ARFGEF3: variants seen among roughly 807,000 people sequenced by gnomAD.
ARFGEF3 encodes ARFGEF family member 3, also known as brefeldin A-inhibited guanine nucleotide-exchange protein 3.
A neutral mutation model predicts 221.7 loss-of-function variants in ARFGEF3; 96 were observed. That is an observed-to-expected ratio of 0.43 (90% CI 0.37 to 0.51). The LOEUF is 0.51. Ranked by LOEUF, ARFGEF3 falls within the 20% of genes least tolerant of loss-of-function variation. ARFGEF3 has a pLI of 0.00. For synonymous variants in ARFGEF3, 1,145 were observed against 1,126.8 expected (o/e 1.02, Z -0.32); for missense variants, 2,410 against 2,789.9 (o/e 0.86, Z 3.07).
chr6:138,280,938 A>T (rs1779186739), intron 14 of ARFGEF3, among the ~76,000 whole-genome samples: 1 of 149,956 alleles, frequency 6.7e-6, no homozygotes, highest in Non-Finnish European at 1.5e-5. Flanking sequence ...TAATAATGCC[A>T]AATACTTACC....
intron 11 of ARFGEF3, 82 bp downstream of exon 11, chr6:138,261,721 T>A (rs892458365): frequency 4.6e-6 from 3 of 646,916 alleles, no homozygotes; most frequent in South Asian, 4.2e-5. Context: ...CCTGAAATTT[T>A]AAAAAATTCT....
rs540598547 is a variant in ARFGEF3 at position 138,242,938 on chromosome 6, A to G, written c.544-14A>G. On this transcript the variant is annotated splice_polypyrimidine_tract_variant and intron_variant, in intron 6 of 33. Transcript: ENST00000251691. The stretch of plus-strand genomic sequence containing the variant: ...CTGAATCTCCTAATTGTGTGTGTGT[A>G]TCTCCCTTACTAGATAATTGAAAAC... The G allele has an allele frequency of 4.3e-5, 69 of 1,605,476 alleles. No homozygotes were observed. In the South Asian group the frequency reaches 6.5e-4, roughly 15 times the overall value.
chr6:138,240,895 T>C (rs200851121), intron 6 of ARFGEF3, among the ~76,000 whole-genome samples: 3 of 152,240 alleles, frequency 2.0e-5, no homozygotes, highest in East Asian at 1.9e-4. Flanking sequence ...CACTGAGCAT[T>C]ACCTGGGGAA....
chr6:138,264,975 C>G (rs1339730356), intron 12 of ARFGEF3, among the ~76,000 whole-genome samples: 1 of 150,694 alleles, frequency 6.6e-6, no homozygotes, highest in Non-Finnish European at 1.5e-5. Flanking sequence ...GCAATCTCGG[C>G]TCACTGCAAG....
chr6:138,190,514 G>A (rs945445920), intron 2 of ARFGEF3, among the ~76,000 whole-genome samples: 5 of 152,212 alleles, frequency 3.3e-5, no homozygotes, highest in Admixed American at 3.3e-4. Context: ...GCCTTGCCAT[G>A]TATTTAAACT....
At chr6:138,172,773 C>T (rs1357338089) in intron 2 of ARFGEF3, among the ~76,000 whole-genome samples, 1 of 152,092 alleles carries the variant, frequency 6.6e-6, no homozygotes, top group Non-Finnish European at 1.5e-5. Flanking sequence ...TCTTCATAGG[C>T]ATATGAACTA....
intron 20 of ARFGEF3, among the ~76,000 whole-genome samples, chr6:138,294,580 C>T (rs1779473389): frequency 6.6e-6 from 1 of 152,224 alleles, no homozygotes; most frequent in Non-Finnish European, 1.5e-5. Context: ...CTGCCTACCA[C>T]TCTTGCAAAA....
At chr6:138,321,781 A>C (rs565768701) in intron 29 of ARFGEF3, among the ~76,000 whole-genome samples, 11 of 152,348 alleles carry the variant, frequency 7.2e-5, no homozygotes, top group Admixed American at 6.5e-4. Flanking sequence ...CTGTACTCCC[A>C]TGTTCACAAT....
intron 13 of ARFGEF3, among the ~76,000 whole-genome samples, chr6:138,279,534 A>G (rs9494996): frequency 0.09 from 13,630 of 152,266 alleles, 1,983 homozygotes; most frequent in African/African-American, 0.31. Flanking sequence ...ATGGATCTAC[A>G]TGAAGGAAAT....
intron 2 of ARFGEF3, among the ~76,000 whole-genome samples, chr6:138,195,628 A>G (rs1777402488): frequency 6.6e-6 from 1 of 152,192 alleles, no homozygotes; most frequent in Admixed American, 6.5e-5. Context: ...ATGTACTGTG[A>G]TTTGTTTAAC....
intron 24 of ARFGEF3, among the ~76,000 whole-genome samples, chr6:138,310,000 A>T (rs1161207504): frequency 6.6e-6 from 1 of 152,230 alleles, no homozygotes; most frequent in Non-Finnish European, 1.5e-5. Context: ...TAATCCAGCC[A>T]AGTTGACATC....
intron 2 of ARFGEF3, among the ~76,000 whole-genome samples, chr6:138,196,639 A>G (rs1777429157): frequency 6.6e-6 from 1 of 152,170 alleles, no homozygotes; most frequent in East Asian, 1.9e-4. Context: ...AGGCTACACT[A>G]AATTTATTTT....
intron 3 of ARFGEF3, among the ~76,000 whole-genome samples, chr6:138,207,869 G>C (rs1777652391): frequency 6.6e-6 from 1 of 152,136 alleles, no homozygotes; most frequent in African/African-American, 2.4e-5. Context: ...TTAGCTTTTT[G>C]AGTTCAGAGA....
At position 138,308,811 on chromosome 6, in the gene ARFGEF3, A is replaced by C. The variant is rs1394784424; in HGVS notation, c.4046A>C (p.Asn1349Thr). The change falls in exon 24 of 34, where the codon AAT (asparagine) becomes ACT (threonine). Residue 1349 changes from asparagine to threonine, a missense_variant. Around this residue, in one of 5 missense-constraint regions of ARFGEF3, gnomAD observed 723 missense variants for 991.9 expected, o/e 0.73. Coordinates refer to ENST00000251691, the MANE Select transcript of ARFGEF3 (RefSeq NM_020340.5). ...LNTDNIQVFA[N>T]AATSYIMCLM... ...ACTGACAACATCCAGGTCTTTGCTA[A>C]TGCAGCCACTAGCTACATCATGTGC... The C allele has an allele frequency of 6.2e-7, 1 of 1,614,036 alleles. No individual in the cohort carries two copies. Among genetic ancestry groups the C allele is most frequent in the African/African-American group, 1.3e-5 (1 of 75,068 alleles).
chr6:138,267,487 A>G (rs1171552058), intron 12 of ARFGEF3, among the ~76,000 whole-genome samples: 4 of 152,222 alleles, frequency 2.6e-5, no homozygotes, highest in African/African-American at 7.2e-5. Flanking sequence ...AGCACAATAT[A>G]TAAAATTTAG....
At chr6:138,218,472 A>G in intron 4 of ARFGEF3, 1 of 1,457,248 alleles carries the variant, frequency 6.9e-7, no homozygotes, top group Non-Finnish European at 9.0e-7. Context: ...TCAATTAGCC[A>G]CCTCGATATA....
At chr6:138,238,068 AC>A (rs1778319527) in intron 5 of ARFGEF3, among the ~76,000 whole-genome samples, 1 of 152,194 alleles carries the variant, frequency 6.6e-6, no homozygotes, top group African/African-American at 2.4e-5. Context: ...TAGAGGGTTG[AC>A]CCAAGGTCAA....
intron 3 of ARFGEF3, 52 bp downstream of exon 3, chr6:138,207,175 G>A: frequency 7.2e-7 from 1 of 1,388,558 alleles, no homozygotes. Flanking sequence ...AGGCCACTTT[G>A]GCATTGAAAG....
chr6:138,307,561 C>T (rs1779748561), intron 23 of ARFGEF3, among the ~76,000 whole-genome samples, 164 bp downstream of exon 23: 1 of 152,182 alleles, frequency 6.6e-6, no homozygotes, highest in African/African-American at 2.4e-5. Flanking sequence ...TGAGTTCTGC[C>T]AGCAGGCTGA....
Sources: gnomAD v4.1 joint callset for allele counts (sites outside exome capture counted in the v4.1 genomes callset) on GRCh38, gnomAD v4.1.1 for gene constraint, gnomAD v4.1.1 regional missense constraint, MANE v1.5 for transcripts, NCBI Gene and HGNC (gene_info 2026-07-23, HGNC 2026-07-21) for gene names.